Variants in WLS observed in about 807,000 individuals in gnomAD.
WLS encodes the protein Wnt ligand secretion mediator, also known as protein wntless homolog.
In WLS, 23 loss-of-function variants were observed where a neutral mutation model predicts 62.8. The observed-to-expected ratio is 0.37, with a 90% CI of 0.26 to 0.52. The LOEUF (loss-of-function observed/expected upper bound fraction) is 0.52, where lower values mean the gene tolerates loss of function less well. Among genes scored for constraint, WLS ranks in the 20% least tolerant of loss-of-function variants. The probability of loss-of-function intolerance (pLI) is 0.92; values close to 1 mark genes in which losing one functional copy is unlikely to be tolerated. For synonymous variants in WLS, 246 were observed against 244.1 expected, an observed-to-expected ratio of 1.01 and a Z score of -0.07; for missense variants, 615 against 697.3, an observed-to-expected ratio of 0.88 and a Z score of 1.33.
At position 68,226,560 on chromosome 1, in the gene WLS, G is replaced by C. The variant is rs191876017; in HGVS notation, c.106+5634C>G. Among the ~76,000 whole-genome samples, 16 of 152,040 alleles carry C rather than the reference G, an allele frequency of 1.1e-4. 1 individual carries two copies. The highest frequency in any genetic ancestry group is 1.9e-4 in the Non-Finnish European group (13 of 67,988). ...AGGGGTTCTAATTTCATACATTCTC[G>C]AATTCCCAATAAATAAGTGAAAATT... On this transcript the variant is annotated intron_variant, in intron 1 of 11. Coordinates refer to ENST00000262348, the MANE Select transcript of WLS (RefSeq NM_024911.7).
chr1:68,125,089 T>C (rs575308376), downstream of WLS, among the ~76,000 whole-genome samples: 6 of 152,288 alleles, frequency 3.9e-5, no homozygotes, highest in Admixed American at 3.9e-4. Context: ...AAAAAGGCTA[T>C]TGGGGAAAGT....
chr1:68,104,724 G>A (rs1646122047), intron 11 of WLS, among the ~76,000 whole-genome samples: 1 of 152,098 alleles, frequency 6.6e-6, no homozygotes, highest in Non-Finnish European at 1.5e-5. Flanking sequence ...GACCAGCCAG[G>A]GAAACATAGG....
At chr1:68,119,465 C>T (rs1275387924) in intron 11 of WLS, among the ~76,000 whole-genome samples, 1 of 152,174 alleles carries the variant, frequency 6.6e-6, no homozygotes, top group Non-Finnish European at 1.5e-5. Flanking sequence ...GGTGCCTCAC[C>T]CATATTCCTC....
chr1:68,177,551 T>A (rs185306796), intron 2 of WLS, among the ~76,000 whole-genome samples: 70 of 152,240 alleles, frequency 4.6e-4, no homozygotes, highest in South Asian at 3.7e-3. Context: ...AGAGACAGAA[T>A]CTCAACCAGG....
At chr1:68,150,553 C>T (rs916058055) in intron 5 of WLS, among the ~76,000 whole-genome samples, 197 bp from the exon 6 acceptor site, 3 of 152,176 alleles carry the variant, frequency 2.0e-5, no homozygotes, top group Non-Finnish European at 2.9e-5. Context: ...GCTATACCAA[C>T]CTTTCTATGG....
At chr1:68,159,630 C>G (rs1051581987) in intron 2 of WLS, among the ~76,000 whole-genome samples, 1 of 152,182 alleles carries the variant, frequency 6.6e-6, no homozygotes, top group African/African-American at 2.4e-5. Flanking sequence ...GCCTTATGTT[C>G]TTGAAAACCA....
chr1:68,227,392 C>G (rs567176032), intron 1 of WLS, among the ~76,000 whole-genome samples: 24 of 113,048 alleles, frequency 2.1e-4, no homozygotes, highest in African/African-American at 7.9e-4. Flanking sequence ...GCTGACAGAA[C>G]GAGACTCCGT....
intron 8 of WLS, 109 bp downstream of exon 8, chr1:68,148,027 G>T: frequency 8.8e-7 from 1 of 1,141,790 alleles, no homozygotes; most frequent in Non-Finnish European, 1.3e-6. Context: ...GAGAATCAAA[G>T]CCCTGGCTGA....
chr1:68,167,653 T>C (rs991435921), intron 2 of WLS, among the ~76,000 whole-genome samples: 6 of 152,206 alleles, frequency 3.9e-5, no homozygotes, highest in African/African-American at 9.6e-5. Flanking sequence ...AGGGCATTTA[T>C]AGATTTGAAA....
chr1:68,184,636 A>C (rs1232450351), intron 2 of WLS, among the ~76,000 whole-genome samples: 1 of 152,210 alleles, frequency 6.6e-6, no homozygotes, highest in South Asian at 2.1e-4. Flanking sequence ...TAGAGTAAAA[A>C]TTGAAATCCC....
At chr1:68,203,367 G>A (rs1243417177) in intron 1 of WLS, among the ~76,000 whole-genome samples, 8 of 152,190 alleles carry the variant, frequency 5.3e-5, no homozygotes, top group Admixed American at 3.9e-4. Flanking sequence ...GATTACCTGA[G>A]ATAGTTGCAG....
intron 11 of WLS, among the ~76,000 whole-genome samples, chr1:68,106,374 G>A (rs1646142973): frequency 6.6e-6 from 1 of 152,152 alleles, no homozygotes; most frequent in African/African-American, 2.4e-5. Flanking sequence ...CCTGGGTGAT[G>A]ATGTCCTCAG....
At chr1:68,144,242 T>C (rs1646723934) in intron 10 of WLS, among the ~76,000 whole-genome samples, 1 of 152,238 alleles carries the variant, frequency 6.6e-6, no homozygotes, top group Non-Finnish European at 1.5e-5. Flanking sequence ...TAATGCTAGA[T>C]AAAAATGGAA....
intron 11 of WLS, among the ~76,000 whole-genome samples, chr1:68,107,924 G>A (rs1646170008): frequency 6.6e-6 from 1 of 151,088 alleles, no homozygotes; most frequent in Non-Finnish European, 1.5e-5. Flanking sequence ...AGTGTGGCAG[G>A]AGGCCAGTTC....
chr1:68,121,991 T>C (rs1044778739), downstream of WLS, among the ~76,000 whole-genome samples: 6 of 152,326 alleles, frequency 3.9e-5, no homozygotes, highest in Admixed American at 1.3e-4. Context: ...TTAGCCTCCA[T>C]GGTTACCTGA....
downstream of WLS, among the ~76,000 whole-genome samples, chr1:68,122,613 TATC>T (rs1646377343): frequency 6.6e-6 from 1 of 152,248 alleles, no homozygotes; most frequent in East Asian, 1.9e-4. Flanking sequence ...TTTCCTATAA[TATC>T]CTTTAAAGCT....
At chr1:68,190,917 G>T (rs1648259016) in intron 2 of WLS, among the ~76,000 whole-genome samples, 1 of 152,110 alleles carries the variant, frequency 6.6e-6, no homozygotes, top group African/African-American at 2.4e-5. Flanking sequence ...AATTAGCCAG[G>T]CGTGGTGGCA....
chr1:68,144,216 G>A (rs908664737), intron 10 of WLS, among the ~76,000 whole-genome samples: 11 of 152,218 alleles, frequency 7.2e-5, no homozygotes, highest in African/African-American at 2.7e-4. Flanking sequence ...CTGATGGACT[G>A]TATAAGGATC....
chr1:68,127,837 A>T (rs1277762638), intron 11 of WLS, among the ~76,000 whole-genome samples: 1 of 152,224 alleles, frequency 6.6e-6, no homozygotes, highest in Admixed American at 6.5e-5. Flanking sequence ...CTAGGCATCA[A>T]TGAATCTGGT....
Sources: allele counts gnomAD v4.1 joint callset (sites outside exome capture counted in the v4.1 genomes callset), GRCh38; gene constraint gnomAD v4.1.1; transcripts MANE v1.5; gene names NCBI Gene and HGNC (gene_info 2026-07-23, HGNC 2026-07-21).